The following NOL8 variants were observed in gnomAD, a reference collection of about 807,000 sequenced individuals.
The protein encoded by NOL8 is nucleolar protein Nop132.
Under a neutral mutation model 116.1 loss-of-function variants are expected in NOL8, and 93 were observed. The ratio of observed to expected loss-of-function variants is 0.80; its 90% CI spans 0.68 to 0.95. The LOEUF is 0.95. Ranked by LOEUF, NOL8 falls within the 40% of genes least tolerant of loss-of-function variation. NOL8 has a pLI of 0.00. For missense variants in NOL8, 1,291 were observed against 1,382.8 expected (o/e 0.93, Z 1.05); for synonymous variants, 419 against 469.0 (o/e 0.89, Z 1.38).
Position 92,314,836 on chromosome 9 carries a change from T to A in NOL8, c.1789A>T (p.Asn597Tyr). ...KSLKDSVASN[N>Y]KDQNSMKHED... ...TGTTTCATGGAATTCTGATCTTTAT[T>A]GTTAGAGGCAACACTGTCTTTCAAG... The change falls in exon 7 of 17, where the codon AAT becomes TAT. Residue 597 changes from asparagine to tyrosine, a missense_variant. Transcript: ENST00000442668. 1 of 1,613,360 alleles carries A rather than the reference T, an allele frequency of 6.2e-7. No individual in the cohort carries two copies. The highest frequency in any genetic ancestry group is 8.5e-7 in the Non-Finnish European group (1 of 1,179,662).
chr9:92,310,344 C>T, intron 9 of NOL8, 83 bp from the exon 10 acceptor site: 1 of 1,266,504 alleles, frequency 7.9e-7, no homozygotes, highest in Non-Finnish European at 1.1e-6. Context: ...GTACACCTCC[C>T]CACACACTGA....
chr9:92,315,550 G>T lies in NOL8; in HGVS notation c.1075C>A (p.Arg359Ser). The T allele has an allele frequency of 6.2e-7, 1 of 1,611,922 alleles. No individual in the cohort carries two copies. The highest frequency in any genetic ancestry group is 1.1e-5 in the South Asian group (1 of 90,834). ...TCATCACTATCATGGCAAGAGACAC[G>T]ATTTTTGATACCTAAACCTATTAAA... is the stretch of plus-strand genomic sequence containing the variant. ...HSLIGLGIKNRVSCHDSDDDI... is the reference protein window; with the variant it reads ...HSLIGLGIKNSVSCHDSDDDI... Residue 359 changes from arginine (R) to serine (S), a missense_variant, in exon 7 of 17, where the codon CGT (arginine) becomes AGT (serine). By Grantham distance (110) the Arg-to-Ser change is moderately radical (BLOSUM62 -1). Transcript: ENST00000442668.
At position 92,298,311 on chromosome 9, in the gene NOL8, T is replaced by C; in HGVS notation, c.3399A>G (p.Val1133=). The change falls in exon 16 of 17, where the codon GTA becomes GTG. Residue 1133 remains valine (V), a synonymous_variant. Transcript: ENST00000442668. ...LQGSDLFWRG[V]GSNMSRNSWE... ...AAGAGTTCCTGCTCATATTACTTCC[T>C]ACTCCTCTCCAGAATAAGTCAGAAC... 6.2e-7 allele frequency: 1 copy of C among 1,608,584 alleles called. No individual in the cohort carries two copies. Among genetic ancestry groups the C allele is most frequent in the Non-Finnish European group, 8.5e-7 (1 of 1,177,456 alleles).
rs1182604997 is a variant in NOL8, at chr9:92,315,292, G to A, written c.1333C>T (p.Leu445Phe). The A allele has an allele frequency of 6.8e-6, 11 of 1,613,952 alleles. No homozygotes were observed. The highest frequency in any genetic ancestry group is 9.3e-6 in the Non-Finnish European group (11 of 1,179,858). ...ESALSHGLKSLNRKSPSHSSS... is the reference protein window; with the variant it reads ...ESALSHGLKSFNRKSPSHSSS... ...GAGTGAGAGGGAGATTTACGATTAA[G>A]AGACTTTAATCCATGACTGAGGGCT... Residue 445 changes from leucine (L) to phenylalanine (F), a missense_variant, in exon 7 of 17, where the codon CTT (leucine) becomes TTT (phenylalanine). Leu to Phe is a conservative substitution (Grantham distance 22). Transcript: ENST00000442668.
chr9:92,310,463 T>A, intron 9 of NOL8, 90 bp downstream of exon 9: 2 of 1,409,868 alleles, frequency 1.4e-6, no homozygotes, highest in Non-Finnish European at 1.9e-6. Flanking sequence ...ATAATGTAGG[T>A]TAAGGTCTGC....
intron 11 of NOL8, among the ~76,000 whole-genome samples, chr9:92,306,255 A>G (rs535779211): frequency 5.9e-5 from 9 of 152,242 alleles, no homozygotes; most frequent in African/African-American, 2.2e-4. Context: ...TAGCCTCCCA[A>G]AGTGCTAGGA....
In NOL8 at chr9:92,314,794, T is replaced by C. The variant is rs760536870; in HGVS notation, c.1831A>G (p.Ile611Val). 2.4e-5 allele frequency: 38 copies of C among 1,613,744 alleles called. 1 individual carries two copies. The South Asian group carries it at 3.5e-4, about 15-fold the overall frequency. ...TATGGGGACCCATCTTCCATGGATATGATACTGGGATCCTCATGTTTCATG... is the reference window on the plus strand; with the variant it reads ...TATGGGGACCCATCTTCCATGGATACGATACTGGGATCCTCATGTTTCATG... ...NSMKHEDPSI[I>V]SMEDGSPYVN... The change falls in exon 7 of 17, where the codon ATA becomes GTA. Residue 611 changes from isoleucine (I) to valine (V), a missense_variant. Physicochemically the swap from Ile to Val is conservative, Grantham distance 29 (BLOSUM62 3). Coordinates refer to ENST00000442668, the MANE Select transcript of NOL8 (RefSeq NM_017948.6).
At chr9:92,304,196 A>G (rs532267443) in intron 12 of NOL8, among the ~76,000 whole-genome samples, 22 of 152,230 alleles carry the variant, frequency 1.4e-4, no homozygotes, top group Non-Finnish European at 3.1e-4. Flanking sequence ...GTCAACGGTC[A>G]GGAAGAATTA....
At position 92,298,326 on chromosome 9, in the gene NOL8, T is replaced by G; in HGVS notation, c.3384A>C (p.Leu1128Phe). The G allele has an allele frequency of 6.2e-7, 1 of 1,605,144 alleles. No homozygotes were observed. Among genetic ancestry groups the G allele is most frequent in the Non-Finnish European group, 8.5e-7 (1 of 1,175,658 alleles). Residue 1128 changes from leucine to phenylalanine, a missense_variant, in exon 16 of 17, where the codon TTA becomes TTC. By Grantham distance (22) the Leu-to-Phe change is conservative. Transcript: ENST00000442668. ...KNDERLQGSD[L>F]FWRGVGSNMS... ...TATTACTTCCTACTCCTCTCCAGAA[T>G]AAGTCAGAACCTATTAGGGGAAAAA...
chr9:92,318,493 C>T, intron 6 of NOL8, 125 bp downstream of exon 6: 1 of 706,244 alleles, frequency 1.4e-6, no homozygotes, highest in Non-Finnish European at 2.4e-6. Context: ...AGGTGAGTAC[C>T]AAGAAACTGG....
intron 7 of NOL8, 22 bp from the exon 8 acceptor site, chr9:92,311,281 T>C (rs750766562): frequency 6.4e-6 from 10 of 1,567,864 alleles, no homozygotes; most frequent in East Asian, 4.5e-5. Context: ...ATCGAAAGCA[T>C]TGCATCTTAA....
Position 92,315,572 on chromosome 9 carries a change from T to G in NOL8, c.1053A>C (p.Leu351Phe), listed in dbSNP as rs1564233299. ...FKSGVHKLHS[L>F]IGLGIKNRVS... is the part of the protein sequence containing the mutation. ...CACGATTTTTGATACCTAAACCTAT[T>G]AAAGAATGCAGTTTGTGAACGCCTG... is the stretch of plus-strand genomic sequence containing the variant. Residue 351 changes from leucine (L) to phenylalanine (F), a missense_variant, in exon 7 of 17, where the codon TTA becomes TTC. Coordinates refer to ENST00000442668, the MANE Select transcript of NOL8 (RefSeq NM_017948.6). The G allele has an allele frequency of 1.2e-6, 2 of 1,612,808 alleles. No individual in the cohort carries two copies. The highest frequency in any genetic ancestry group is 1.1e-5 in the South Asian group (1 of 90,934).
At chr9:92,303,106 G>A in intron 12 of NOL8, among the ~76,000 whole-genome samples, 1 of 152,168 alleles carries the variant, frequency 6.6e-6, no homozygotes, top group East Asian at 1.9e-4. Flanking sequence ...AATAAGAGAG[G>A]AGAGAATGAA....
intron 1 of NOL8, 75 bp from the exon 2 acceptor site, chr9:92,324,284 G>A (rs745921018): frequency 1.9e-5 from 21 of 1,127,134 alleles, no homozygotes; most frequent in Non-Finnish European, 2.4e-5. Flanking sequence ...TGAACCTTCT[G>A]TATCAAATCC....
intron 7 of NOL8, 40 bp downstream of exon 7, chr9:92,314,225 TTC>T: frequency 2.7e-6 from 4 of 1,503,470 alleles, no homozygotes; most frequent in South Asian, 1.4e-5. Flanking sequence ...AAGCTGAACT[TTC>T]TGAGTTCTTG....
At chr9:92,309,692 A>T (rs1397791456) in intron 10 of NOL8, among the ~76,000 whole-genome samples, 3 of 152,222 alleles carry the variant, frequency 2.0e-5, no homozygotes, top group African/African-American at 7.2e-5. Flanking sequence ...TGCTTCTGAT[A>T]GCATCATTAC....
intron 4 of NOL8, chr9:92,320,086 C>T (rs144794276): frequency 1.5e-5 from 7 of 456,088 alleles, no homozygotes; most frequent in East Asian, 6.9e-5. Context: ...TTCCCCATGA[C>T]GAAGGTATCT....
At chr9:92,310,943 A>T in intron 8 of NOL8, 1 of 577,218 alleles carries the variant, frequency 1.7e-6, no homozygotes, top group Non-Finnish European at 3.0e-6. Flanking sequence ...ACTAATATTG[A>T]TGTCATGCTG....
At chr9:92,324,313 T>G (rs1840240836) in intron 1 of NOL8, 104 bp from the exon 2 acceptor site, 1 of 924,068 alleles carries the variant, frequency 1.1e-6, no homozygotes, top group African/African-American at 1.6e-5. Flanking sequence ...GATCTGTATT[T>G]CACTTCCTAT....
Sources: gnomAD v4.1 joint callset for allele counts (sites outside exome capture counted in the v4.1 genomes callset) on GRCh38, gnomAD v4.1.1 for gene constraint, MANE v1.5 for transcripts, NCBI Gene and HGNC (gene_info 2026-07-23, HGNC 2026-07-21) for gene names.